The following NRG1 variants were observed in gnomAD, a reference collection of about 807,000 sequenced individuals.
The protein encoded by NRG1 is neuregulin 1, also known as pro-neuregulin-1, membrane-bound isoform.
NRG1 carries 18 observed loss-of-function variants against 63.8 expected under a neutral mutation model. The ratio of observed to expected loss-of-function variants is 0.28; its 90% confidence interval spans 0.19 to 0.42. The LOEUF (loss-of-function observed/expected upper bound fraction) is 0.42. Ranked by LOEUF, NRG1 falls within the 10% of genes least tolerant of loss-of-function variation. The probability of loss-of-function intolerance (pLI) is 1.00; values close to 1 mark genes in which losing one functional copy is unlikely to be tolerated. For missense variants in NRG1, 762 were observed against 814.7 expected (o/e 0.94, Z 0.79); for synonymous variants, 302 against 301.3 (o/e 1.00, Z -0.02).
At chr8:32,479,574 G>A (rs755130200) in intron 1 of NRG1, among the ~76,000 whole-genome samples, 1 of 152,156 alleles carries the variant, frequency 6.6e-6, no homozygotes, top group Non-Finnish European at 1.5e-5. Context: ...AAGGGGCTTA[G>A]TGCAAATGTC....
At chr8:32,344,324 C>CTCTTT (rs1554513605) in intron 1 of NRG1, among the ~76,000 whole-genome samples, 3 of 64,096 alleles carry the variant, frequency 4.7e-5, no homozygotes, top group Admixed American at 1.6e-4. Flanking sequence ...TTCCTTCTTT[C>CTCTTT]TCTTTCTTTC....
Position 32,764,618 on chromosome 8 carries a change from C to A in NRG1, c.*216C>A, listed in dbSNP as rs1262281866. The A allele has an allele frequency of 1.5e-4, 63 of 425,510 alleles. 1 individual carries two copies. The highest frequency in any genetic ancestry group is 1.2e-5 in the Non-Finnish European group (3 of 245,588). 26.4% of individuals were successfully genotyped at this position (425,510 alleles called of 1,614,324 possible). A position where few individuals can be genotyped will look rare whatever the true frequency, so the allele number is the denominator to read the frequency against. On this transcript the variant is annotated 3_prime_UTR_variant, in exon 12 of 12. Coordinates refer to ENST00000356819, the Ensembl canonical transcript of NRG1. ...CAAAACGAGAAAGATATCAATGGTG[C>A]CTTTATGTTATGTTATGTCGAGAGC...
At chr8:32,378,360 C>T (rs764386208) in intron 1 of NRG1, among the ~76,000 whole-genome samples, 6 of 152,100 alleles carry the variant, frequency 3.9e-5, no homozygotes, top group African/African-American at 7.2e-5. Flanking sequence ...TCATTATGCC[C>T]GGGGCGCTTC....
intron 1 of NRG1, among the ~76,000 whole-genome samples, chr8:32,411,771 G>A (rs1814985863): frequency 6.6e-6 from 1 of 152,178 alleles, no homozygotes; most frequent in South Asian, 2.1e-4. Context: ...AAATCAATGT[G>A]TCCCTTGTGT....
At chr8:31,750,838 C>G (rs1010308781) in intron 1 of NRG1, among the ~76,000 whole-genome samples, 1 of 151,914 alleles carries the variant, frequency 6.6e-6, no homozygotes, top group Non-Finnish European at 1.5e-5. Flanking sequence ...GTAGACATTT[C>G]TTGTTCTCTA....
rs147503291 is a variant in NRG1, at chr8:32,713,611, T to TA, written c.503-14325dup. Among the ~76,000 whole-genome samples, 258 of 143,880 alleles carry TA rather than the reference T, an allele frequency of 1.8e-3. 1 individual carries two copies. The East Asian group carries it at 0.022, about 12-fold the overall frequency. 94.4% of individuals were successfully genotyped at this position (143,880 alleles called of 152,430 possible). On this transcript the variant is annotated intron_variant, in intron 5 of 11. Coordinates refer to ENST00000356819, the Ensembl canonical transcript of NRG1. ...CTCTCTGATAATTCATGAGTAAGTT[T>TA]AAAAAAAAAAAAATGTGTGGCCAGA...
chr8:32,312,157 GTTTTTTTTTTTTT>G (rs35888973), intron 1 of NRG1, among the ~76,000 whole-genome samples: 1 of 74,402 alleles, frequency 1.3e-5, no homozygotes, highest in Non-Finnish European at 2.3e-5. Context: ...GACCTTGTTT[GTTTTTTTTTTTTT>G]TTTTTTTTTT....
chr8:32,163,063 A>C (rs1259732164), intron 1 of NRG1, among the ~76,000 whole-genome samples: 5 of 152,214 alleles, frequency 3.3e-5, no homozygotes, highest in Admixed American at 3.3e-4. Context: ...CCTTAAAAGA[A>C]AATTAAATGT....
intron 1 of NRG1, among the ~76,000 whole-genome samples, chr8:31,828,423 A>G (rs1350233909): frequency 6.6e-6 from 1 of 152,222 alleles, no homozygotes; most frequent in East Asian, 1.9e-4. Context: ...TCAAAATTAT[A>G]GCTGCGTGGA....
At chr8:32,035,326 CT>C (rs1192836522) in intron 1 of NRG1, among the ~76,000 whole-genome samples, 3 of 152,082 alleles carry the variant, frequency 2.0e-5, no homozygotes, top group Admixed American at 6.5e-5. Context: ...TATTTCAGTT[CT>C]TTTGCATTTG....
rs146944597 is a variant in NRG1 at position 32,458,007 on chromosome 8, T to A, written c.38-137821T>A. On this transcript the variant is annotated intron_variant, in intron 1 of 10. Coordinates refer to the NRG1 transcript ENST00000519301. ...ATCTCGGCTCCCTGCAAACTCTGCA[T>A]CCGGAATTCAAGCGATTCTCCTGTC... 4.6e-5 allele frequency among the ~76,000 whole-genome samples: 7 copies of A among 152,102 alleles called. No homozygotes were observed. The East Asian group carries it at 7.7e-4, about 17-fold the overall frequency.
chr8:32,445,478 G>A (rs2129487714), intron 1 of NRG1, among the ~76,000 whole-genome samples: 1 of 152,160 alleles, frequency 6.6e-6, no homozygotes, highest in East Asian at 1.9e-4. Flanking sequence ...CATTTCTTGA[G>A]ATTATTGAAC....
intron 1 of NRG1, among the ~76,000 whole-genome samples, chr8:32,120,364 T>A (rs1408150213): frequency 1.3e-5 from 2 of 152,010 alleles, no homozygotes; most frequent in African/African-American, 4.8e-5. Context: ...CACTTACTAG[T>A]GGTATCATCT....
intron 7 of NRG1, chr8:32,749,858 T>C: frequency 2.0e-6 from 1 of 488,862 alleles, no homozygotes; most frequent in South Asian, 2.5e-5. Context: ...CCCACGCTGC[T>C]TAACCCACTG....
chr8:32,223,645 C>A (rs529824844), intron 1 of NRG1, among the ~76,000 whole-genome samples: 1 of 152,268 alleles, frequency 6.6e-6, no homozygotes, highest in African/African-American at 2.4e-5. Context: ...TTTGCACCTC[C>A]TCAGCAGTGC....
intron 1 of NRG1, among the ~76,000 whole-genome samples, chr8:32,079,391 A>G (rs931917342): frequency 8.5e-5 from 13 of 152,188 alleles, no homozygotes; most frequent in Non-Finnish European, 1.0e-4. Flanking sequence ...AACTTTACAT[A>G]AATTACTCCT....
intron 5 of NRG1, chr8:32,647,673 T>C: frequency 6.6e-7 from 1 of 1,513,734 alleles, no homozygotes. Flanking sequence ...CTCTGCGTGG[T>C]AATGGACCGT....
chr8:32,018,776 T>C (rs913249568), intron 1 of NRG1, among the ~76,000 whole-genome samples: 15 of 152,222 alleles, frequency 9.9e-5, no homozygotes, highest in Admixed American at 8.5e-4. Flanking sequence ...GAAGTGGAAT[T>C]GCTATAGGTA....
chr8:32,749,770 G>A lies in NRG1; in HGVS notation c.692-4602G>A, dbSNP rs1265877490. ...GATTAGTTTACTGAAATGTTACTGA[G>A]TGCAGCAGGTTTTAGATTCCTAAGC... On this transcript the variant is annotated intron_variant, in intron 7 of 11. Transcript: ENST00000356819. 1.7e-5 allele frequency: 11 copies of A among 636,896 alleles called. No individual in the cohort carries two copies. The Admixed American group carries it at 3.1e-4, about 18-fold the overall frequency. 39.5% of individuals were successfully genotyped at this position (636,896 alleles called of 1,614,324 possible). A position where few individuals can be genotyped will look rare whatever the true frequency, so the allele number is the denominator to read the frequency against.
Sources: allele counts gnomAD v4.1 joint callset (sites outside exome capture counted in the v4.1 genomes callset), GRCh38; gene constraint gnomAD v4.1.1; transcripts MANE v1.5; gene names NCBI Gene and HGNC (gene_info 2026-07-23, HGNC 2026-07-21).